The following FGF1 variants were observed in gnomAD, a reference collection of about 807,000 sequenced individuals.
FGF1 encodes the protein beta-endothelial cell growth factor.
FGF1 carries 9 observed loss-of-function variants against 13.4 expected under a neutral mutation model. The observed-to-expected ratio is 0.67, with a 90% CI of 0.40 to 1.17. FGF1 has a LOEUF of 1.17. Among genes scored for constraint, FGF1 ranks in the 50% most tolerant of loss-of-function variants. The pLI is 0.01. For synonymous variants in FGF1, 93 were observed against 79.0 expected (o/e 1.18, Z -0.94); for missense variants, 156 against 192.7 (o/e 0.81, Z 1.13).
At chr5:142,612,717 T>G (rs1206308165) in intron 2 of FGF1, among the ~76,000 whole-genome samples, 3 of 151,932 alleles carry the variant, frequency 2.0e-5, no homozygotes, top group Admixed American at 1.3e-4. Context: ...CCAAAAGAGC[T>G]AATTCTGCAG....
chr5:142,611,770 G>A (rs1489304836), intron 2 of FGF1, among the ~76,000 whole-genome samples: 2 of 152,196 alleles, frequency 1.3e-5, no homozygotes, highest in Non-Finnish European at 2.9e-5. Flanking sequence ...AGTGTTGGCA[G>A]AGAGATGCTG....
chr5:142,689,970 G>T (rs1554096225), upstream of FGF1, among the ~76,000 whole-genome samples: 1 of 148,756 alleles, frequency 6.7e-6, no homozygotes, highest in Non-Finnish European at 1.5e-5. Flanking sequence ...CAAAGTGCTG[G>T]GATTACAGGC....
chr5:142,656,322 A>G (rs1241269155), intron 1 of FGF1, among the ~76,000 whole-genome samples: 1 of 151,428 alleles, frequency 6.6e-6, no homozygotes, highest in East Asian at 1.9e-4. Context: ...ATGTATAAAT[A>G]TAGTAACCCA....
intron 1 of FGF1, among the ~76,000 whole-genome samples, chr5:142,648,374 G>A (rs1035125087): frequency 1.3e-5 from 2 of 152,018 alleles, no homozygotes; most frequent in Admixed American, 6.6e-5. Context: ...GGATGAAGCT[G>A]GAAACCATCA....
At chr5:142,644,089 AG>A (rs937290379) in intron 1 of FGF1, 4 of 152,230 alleles carry the variant, frequency 2.6e-5, no homozygotes, top group African/African-American at 9.6e-5. Flanking sequence ...AAAACAAAAA[AG>A]GAAAGCCTTA....
intron 3 of FGF1, among the ~76,000 whole-genome samples, chr5:142,598,693 C>T (rs987389228): frequency 2.0e-5 from 3 of 152,128 alleles, no homozygotes; most frequent in Non-Finnish European, 4.4e-5. Context: ...GAGCATGAAG[C>T]AGAGCTTTGA....
intron 1 of FGF1, among the ~76,000 whole-genome samples, chr5:142,676,000 G>T (rs770661725): frequency 6.6e-6 from 1 of 152,092 alleles, no homozygotes; most frequent in Non-Finnish European, 1.5e-5. Context: ...TTAAAACTTC[G>T]GAACAAGTAG....
chr5:142,634,209 A>C (rs866530240), intron 1 of FGF1, among the ~76,000 whole-genome samples: 3 of 151,660 alleles, frequency 2.0e-5, no homozygotes, highest in African/African-American at 4.8e-5. Context: ...AAAAAAAAAA[A>C]AAAACTCCCT....
intron 1 of FGF1, among the ~76,000 whole-genome samples, chr5:142,650,084 A>C (rs560456776): frequency 6.6e-6 from 1 of 152,320 alleles, no homozygotes; most frequent in South Asian, 2.1e-4. Flanking sequence ...ACATTGCAAT[A>C]AACATCCCCA....
At chr5:142,685,861 GACACACACACAAAACAC>G (rs1175605773) in intron 1 of FGF1, 79 bp downstream of exon 1, 2 of 140,132 alleles carry the variant, frequency 1.4e-5, no homozygotes, top group Admixed American at 7.4e-5. Context: ...TTTGCACTTG[GACACACACACAAAACAC>G]ACACACACAC....
At chr5:142,622,637 G>T (rs1283481511) in intron 1 of FGF1, among the ~76,000 whole-genome samples, 1 of 152,190 alleles carries the variant, frequency 6.6e-6, no homozygotes, top group African/African-American at 2.4e-5. Context: ...AAAAATATTT[G>T]TAGGGCCTGG....
intron 1 of FGF1, among the ~76,000 whole-genome samples, chr5:142,626,302 A>G (rs765015993): frequency 2.6e-4 from 39 of 152,174 alleles, no homozygotes; most frequent in Admixed American, 6.5e-5. Flanking sequence ...AACTCAAGGC[A>G]TTGTCTGAGT....
In FGF1 at chr5:142,595,198, C is replaced by G; in HGVS notation, c.*92G>C. On this transcript the variant is annotated 3_prime_UTR_variant, in exon 4 of 4. Transcript: ENST00000337706. ...TCAGGCTCTGTGGGCTGGGGGTTAG[C>G]GCAGCCAATGGTCAAGGGAACATTT... 1 of 1,053,128 alleles carries G rather than the reference C, an allele frequency of 9.5e-7. No homozygotes were observed. The highest frequency in any genetic ancestry group is 1.6e-5 in the South Asian group (1 of 64,278). 65.2% of individuals were successfully genotyped at this position (1,053,128 alleles called of 1,614,324 possible). A position where few individuals can be genotyped will look rare whatever the true frequency, so the allele number is the denominator to read the frequency against.
At chr5:142,648,227 G>C (rs1008624651) in intron 1 of FGF1, among the ~76,000 whole-genome samples, 13 of 152,040 alleles carry the variant, frequency 8.6e-5, no homozygotes, top group African/African-American at 3.1e-4. Flanking sequence ...TTGCAGCACT[G>C]TTCACAATAG....
At chr5:142,618,986 T>C (rs375053315) in intron 1 of FGF1, among the ~76,000 whole-genome samples, 10 of 140,300 alleles carry the variant, frequency 7.1e-5, no homozygotes, top group Admixed American at 1.6e-4. Flanking sequence ...CCAGGCCGGA[T>C]TGCAGTGGCA....
At chr5:142,684,236 T>C (rs904169164) in intron 1 of FGF1, among the ~76,000 whole-genome samples, 11 of 152,206 alleles carry the variant, frequency 7.2e-5, no homozygotes, top group Admixed American at 3.9e-4. Flanking sequence ...TCAATGTAGA[T>C]ACGGCATATG....
rs185823501 is a variant in FGF1 at position 142,624,005 on chromosome 5, C to T, written c.-34-9844G>A. ...CACAATCTTGGCTCACTGCAACCTC[C>T]GCCTCCTGGTTTCAAGCAATTCTCC... On this transcript the variant is annotated intron_variant, in intron 1 of 3. Transcript: ENST00000337706. 1.2e-3 allele frequency among the ~76,000 whole-genome samples: 178 copies of T among 152,116 alleles called. 2 individuals are homozygous for T. The highest frequency in any genetic ancestry group is 4.0e-3 in the African/African-American group (165 of 41,498).
At chr5:142,647,230 C>T (rs921926455) in intron 1 of FGF1, among the ~76,000 whole-genome samples, 1 of 152,176 alleles carries the variant, frequency 6.6e-6, no homozygotes, top group Non-Finnish European at 1.5e-5. Flanking sequence ...GAAGTTGCCC[C>T]CTCACCACCA....
chr5:142,655,933 T>G (rs1026029426), intron 1 of FGF1, among the ~76,000 whole-genome samples: 1 of 152,256 alleles, frequency 6.6e-6, no homozygotes, highest in Non-Finnish European at 1.5e-5. Flanking sequence ...AGAGACTGTT[T>G]ACACTTCAGC....
Sources: allele counts gnomAD v4.1 joint callset (sites outside exome capture counted in the v4.1 genomes callset), GRCh38; gene constraint gnomAD v4.1.1; transcripts MANE v1.5; gene names NCBI Gene and HGNC (gene_info 2026-07-23, HGNC 2026-07-21).